CDK13: variants seen among roughly 807,000 people sequenced by gnomAD.
CDK13 encodes the protein cyclin dependent kinase 13.
A neutral mutation model predicts 137.6 loss-of-function variants in CDK13; 40 were observed. The ratio of observed to expected loss-of-function variants is 0.29; its 90% CI spans 0.23 to 0.38. The LOEUF (loss-of-function observed/expected upper bound fraction) is 0.38. Ranked by LOEUF, CDK13 falls within the 10% of genes least tolerant of loss-of-function variation. The pLI is 1.00. For missense variants in CDK13, 1,704 were observed against 1,951.8 expected (o/e 0.87, Z 2.39); for synonymous variants, 869 against 760.1 (o/e 1.14, Z -2.36).
At position 39,966,987 on chromosome 7, in the gene CDK13, G is replaced by A. The variant is rs548508837; in HGVS notation, c.1211+15135G>A. On this transcript the variant is annotated intron_variant, in intron 1 of 13. Transcript: ENST00000181839. ...TTCCTCTGTAAGTTTTGTGTCAGAGGAGTACCTGGCCGTGTGAGGTGTCAG... is the reference window on the plus strand; with the variant it reads ...TTCCTCTGTAAGTTTTGTGTCAGAGAAGTACCTGGCCGTGTGAGGTGTCAG... 2.0e-5 allele frequency among the ~76,000 whole-genome samples: 3 copies of A among 152,222 alleles called. No homozygotes were observed. In the East Asian group the frequency reaches 5.8e-4, roughly 29 times the overall value.
chr7:40,062,520 T>C (rs1786178048), intron 7 of CDK13: 1 of 242,780 alleles, frequency 4.1e-6, no homozygotes, highest in Admixed American at 5.3e-5. Context: ...GACCTCGTGA[T>C]CTGCCAGCCT....
rs1331488834 is a variant in CDK13 at position 40,096,575 on chromosome 7, T to A, written c.*1595T>A. 6.6e-6 allele frequency: 1 copy of A among 152,180 alleles called. No homozygotes were observed. Among genetic ancestry groups the A allele is most frequent in the Non-Finnish European group, 1.5e-5 (1 of 68,008 alleles). The allele number at this position is 152,180 out of a possible 1,614,324, so 9.4% of individuals were successfully genotyped here. A position where few individuals can be genotyped will look rare whatever the true frequency, so the allele number is the denominator to read the frequency against. ...TTTGTTCATCAACTGTTCTGGTAAC[T>A]TATTTTTTTTTATTGGAATCTTAAA... is the stretch of plus-strand genomic sequence containing the variant. On this transcript the variant is annotated 3_prime_UTR_variant, in exon 14 of 14. Transcript: ENST00000181839.
intron 1 of CDK13, among the ~76,000 whole-genome samples, chr7:39,983,302 C>T (rs1178398069): frequency 6.6e-6 from 1 of 152,032 alleles, no homozygotes; most frequent in Non-Finnish European, 1.5e-5. Context: ...CTTGTTTTTT[C>T]AGTAGAGATG....
At chr7:40,068,733 G>C (rs866678317) in intron 9 of CDK13, among the ~76,000 whole-genome samples, 1 of 133,814 alleles carries the variant, frequency 7.5e-6, no homozygotes, top group Admixed American at 7.4e-5. Flanking sequence ...AAAAAAAAAG[G>C]AAACAGTTGA....
At chr7:40,052,706 A>C (rs1785920603) in intron 7 of CDK13, among the ~76,000 whole-genome samples, 1 of 152,234 alleles carries the variant, frequency 6.6e-6, no homozygotes, top group African/African-American at 2.4e-5. Context: ...TATTGAAAGC[A>C]AAACTAAATT....
intron 6 of CDK13, 91 bp downstream of exon 6, chr7:40,046,116 A>G: frequency 1.2e-6 from 1 of 828,116 alleles, no homozygotes; most frequent in Non-Finnish European, 1.9e-6. Context: ...GCGGCGGGGA[A>G]TGTCGGGGGT....
chr7:40,030,888 G>T (rs1385334259), intron 5 of CDK13, among the ~76,000 whole-genome samples: 1 of 152,104 alleles, frequency 6.6e-6, no homozygotes, highest in Non-Finnish European at 1.5e-5. Context: ...CATTGTATGG[G>T]TGTACCACAG....
intron 1 of CDK13, among the ~76,000 whole-genome samples, chr7:39,980,451 C>T (rs188627456): frequency 1.9e-3 from 285 of 152,258 alleles, no homozygotes; most frequent in Middle Eastern, 3.4e-3. Flanking sequence ...GTTATAATAA[C>T]GTTACATGAC....
In CDK13 at chr7:40,002,496, A is replaced by ATTAT. The variant is rs1191425402; in HGVS notation, c.2353+469_2353+472dup. Among the ~76,000 whole-genome samples, 13 of 152,170 alleles carry ATTAT rather than the reference A, an allele frequency of 8.5e-5. No individual in the cohort carries two copies. In the East Asian group the frequency reaches 2.5e-3, roughly 29 times the overall value. ...GTGGGGTATGTATATATGTATAGTT[A>ATTAT]TTATTTAGCAGAGAAGCTGACAAAA... On this transcript the variant is annotated intron_variant, in intron 5 of 13. Transcript: ENST00000181839.
chr7:40,084,853 A>C (rs1344077455), intron 11 of CDK13, among the ~76,000 whole-genome samples: 1 of 152,204 alleles, frequency 6.6e-6, no homozygotes, highest in East Asian at 1.9e-4. Flanking sequence ...AAAATGAGGC[A>C]CAGAGGTCCA....
At chr7:39,987,313 C>T (rs1784360670) in intron 1 of CDK13, among the ~76,000 whole-genome samples, 1 of 152,112 alleles carries the variant, frequency 6.6e-6, no homozygotes, top group Admixed American at 6.5e-5. Context: ...GCCTTATTGC[C>T]TACTTCTTTT....
At chr7:40,020,354 C>T (rs191321482) in intron 5 of CDK13, among the ~76,000 whole-genome samples, 3 of 152,274 alleles carry the variant, frequency 2.0e-5, no homozygotes, top group East Asian at 3.9e-4. Context: ...AGGTGTGAGC[C>T]GCTGCACCCG....
At chr7:39,975,068 G>C (rs1784077907) in intron 1 of CDK13, among the ~76,000 whole-genome samples, 1 of 151,364 alleles carries the variant, frequency 6.6e-6, no homozygotes, top group Non-Finnish European at 1.5e-5. Flanking sequence ...CATTGCAGAA[G>C]TCAGGAAAAA....
intron 7 of CDK13, among the ~76,000 whole-genome samples, chr7:40,053,398 G>C (rs367891288): frequency 1.4e-4 from 22 of 152,266 alleles, no homozygotes; most frequent in African/African-American, 4.8e-4. Context: ...ATTGTAAATA[G>C]AATTGTATTG....
chr7:40,012,183 GTTGGAACCCTTACTCTTTGC>G (rs1784909648), intron 5 of CDK13, among the ~76,000 whole-genome samples: 2 of 152,156 alleles, frequency 1.3e-5, no homozygotes, highest in East Asian at 3.8e-4. Flanking sequence ...ATGTGGAGAA[GTTGGAACCCTTACTCTTTGC>G]TACAGAGAGA....
chr7:40,071,303 A>C (rs560338796), intron 9 of CDK13: 7 of 152,316 alleles, frequency 4.6e-5, no homozygotes, highest in South Asian at 4.1e-4. Flanking sequence ...ATTTTAACAT[A>C]ATAATGTTAA....
intron 6 of CDK13, among the ~76,000 whole-genome samples, 185 bp downstream of exon 6, chr7:40,046,210 A>G (rs1785736727): frequency 6.6e-6 from 1 of 152,258 alleles, no homozygotes; most frequent in South Asian, 2.1e-4. Flanking sequence ...CTACTATTAC[A>G]CTTGTAATAC....
chr7:39,987,755 T>C lies in CDK13; in HGVS notation c.1368T>C (p.Asn456=), dbSNP rs1025582177. The C allele has an allele frequency of 6.2e-7, 1 of 1,613,896 alleles. No homozygotes were observed. The highest frequency in any genetic ancestry group is 1.7e-5 in the Admixed American group (1 of 59,968). The change falls in exon 2 of 14, where the codon AAT becomes AAC. Residue 456 remains asparagine (N), a synonymous_variant. Coordinates refer to ENST00000181839, the MANE Select transcript of CDK13 (RefSeq NM_003718.5). ...GCCTGGCAGCTGAATTGAACAAGAATAAAAAAGCACGAGCAGCAGAGGCAG... is the reference window on the plus strand; with the variant it reads ...GCCTGGCAGCTGAATTGAACAAGAACAAAAAAGCACGAGCAGCAGAGGCAG... ...KSSLAAELNK[N]KKARAAEAAR...
chr7:39,984,763 C>T (rs2116251054), intron 1 of CDK13: 1 of 152,366 alleles, frequency 6.6e-6, no homozygotes, highest in South Asian at 2.1e-4. Flanking sequence ...CACCTGAGGT[C>T]AGGAGTTCGA....
Sources: allele counts gnomAD v4.1 joint callset (sites outside exome capture counted in the v4.1 genomes callset), GRCh38; gene constraint gnomAD v4.1.1; transcripts MANE v1.5; gene names NCBI Gene and HGNC (gene_info 2026-07-23, HGNC 2026-07-21).